GOLGA1: variants seen among roughly 807,000 people sequenced by gnomAD.
The protein encoded by GOLGA1 is golgin A1.
GOLGA1 carries 63 observed loss-of-function variants against 119.7 expected under a neutral mutation model. The ratio of observed to expected loss-of-function variants is 0.53; its 90% CI spans 0.43 to 0.65. The LOEUF is 0.65. Among genes scored for constraint, GOLGA1 ranks in the 30% least tolerant of loss-of-function variants. GOLGA1 has a pLI of 0.00. For missense variants in GOLGA1, 798 were observed against 912.8 expected (o/e 0.87, Z 1.62); for synonymous variants, 318 against 333.4 (o/e 0.95, Z 0.50).
At chr9:124,929,337 G>T (rs199884573) in intron 4 of GOLGA1, 47 bp from the exon 5 acceptor site, 2 of 1,144,084 alleles carry the variant, frequency 1.7e-6, no homozygotes, top group Non-Finnish European at 1.3e-6. Flanking sequence ...ACAAACATCA[G>T]GAAAGGAAGT....
Position 124,879,044 on chromosome 9 carries a change from A to AGAT in GOLGA1, c.*1483_*1485dup, listed in dbSNP as rs1829512234. On this transcript the variant is annotated 3_prime_UTR_variant, in exon 23 of 23. Coordinates refer to ENST00000373555, the MANE Select transcript of GOLGA1 (RefSeq NM_002077.4). ...CAGAGAGCCTGAGCTGGGACTAAGG[A>AGAT]GATGCTGCCCTGACTTGGTTCTTCA... The AGAT allele has an allele frequency of 6.6e-6, 1 of 152,224 alleles. No homozygotes were observed. Among genetic ancestry groups the AGAT allele is most frequent in the Non-Finnish European group, 1.5e-5 (1 of 68,040 alleles). The allele number at this position is 152,224 out of a possible 1,614,324, so 9.4% of individuals were successfully genotyped here. A position where few individuals can be genotyped will look rare whatever the true frequency, so the allele number is the denominator to read the frequency against.
chr9:124,888,399 A>G lies in GOLGA1; in HGVS notation c.1762-3T>C. 1 of 1,613,720 alleles carries G rather than the reference A, an allele frequency of 6.2e-7. No homozygotes were observed. ...TCCTGCATGGCCCTCGAGGTCACCTACAAGGTGGCAGCAGCAAATTGAGAG... is the reference window on the plus strand; with the variant it reads ...TCCTGCATGGCCCTCGAGGTCACCTGCAAGGTGGCAGCAGCAAATTGAGAG... On this transcript the variant is annotated splice_region_variant and splice_polypyrimidine_tract_variant and intron_variant, in intron 18 of 22. Coordinates refer to ENST00000373555, the MANE Select transcript of GOLGA1 (RefSeq NM_002077.4). The surrounding 1 kb of genome is among the most constrained non-coding windows in gnomAD (Gnocchi z 4.4).
upstream of GOLGA1, among the ~76,000 whole-genome samples, chr9:124,942,271 A>G (rs1019849981): frequency 1.3e-5 from 2 of 152,186 alleles, no homozygotes; most frequent in Non-Finnish European, 2.9e-5. Context: ...ACTCTATCTC[A>G]AACAAAAAGT....
At chr9:124,902,871 G>T (rs1254295343) in intron 12 of GOLGA1, among the ~76,000 whole-genome samples, 1 of 152,146 alleles carries the variant, frequency 6.6e-6, no homozygotes, top group African/African-American at 2.4e-5. Flanking sequence ...TGAGAAAGGG[G>T]CTACTAGTCC....
intron 12 of GOLGA1, 78 bp from the exon 13 acceptor site, chr9:124,900,625 G>C: frequency 1.5e-6 from 1 of 654,684 alleles, no homozygotes; most frequent in Non-Finnish European, 2.7e-6. Flanking sequence ...AATGCAAAGC[G>C]ATTTAAATAA....
intron 12 of GOLGA1, among the ~76,000 whole-genome samples, chr9:124,908,107 A>G (rs1830268547): frequency 6.6e-6 from 1 of 152,248 alleles, no homozygotes; most frequent in South Asian, 2.1e-4. Context: ...AAACAACCCA[A>G]CAAAAAGAGC....
chr9:124,888,789 T>C lies in GOLGA1; in HGVS notation c.1761+354A>G, dbSNP rs1280030284. On this transcript the variant is annotated intron_variant, in intron 18 of 22. Coordinates refer to ENST00000373555, the MANE Select transcript of GOLGA1 (RefSeq NM_002077.4). This position sits in a 1 kb window ranked among gnomAD's most constrained non-coding sequence, Gnocchi z 4.4. ...AATCTCGGCTCCACCAAGCTCCGCCTCCCGGGTTCACATCATTCTCCTGCC... is the reference window on the plus strand; with the variant it reads ...AATCTCGGCTCCACCAAGCTCCGCCCCCCGGGTTCACATCATTCTCCTGCC... 6.6e-6 allele frequency among the ~76,000 whole-genome samples: 1 copy of C among 152,120 alleles called. No individual in the cohort carries two copies. The highest frequency in any genetic ancestry group is 2.4e-5 in the African/African-American group (1 of 41,416).
At chr9:124,887,136 C>G (rs1395210184) in intron 19 of GOLGA1, among the ~76,000 whole-genome samples, 1 of 152,198 alleles carries the variant, frequency 6.6e-6, no homozygotes, top group African/African-American at 2.4e-5. Flanking sequence ...GTGACAGACA[C>G]AGACCCGACG....
At chr9:124,912,068 T>C in intron 10 of GOLGA1, 42 bp from the exon 11 acceptor site, 1 of 1,582,506 alleles carries the variant, frequency 6.3e-7, no homozygotes, top group East Asian at 2.3e-5. Context: ...AGAAGCCCTC[T>C]CTTCCTTCCT....
intron 1 of GOLGA1, chr9:124,947,068 G>A (rs1438339337): frequency 6.6e-6 from 1 of 152,004 alleles, no homozygotes; most frequent in Admixed American, 6.6e-5. Flanking sequence ...ATAAAACACT[G>A]ATGAAAAAAG....
chr9:124,923,744 C>G (rs1232586590), intron 7 of GOLGA1, among the ~76,000 whole-genome samples: 1 of 151,990 alleles, frequency 6.6e-6, no homozygotes, highest in Non-Finnish European at 1.5e-5. Context: ...CTGCCTCAGC[C>G]TCTCAAAGTG....
chr9:124,928,323 C>T (rs1360066190), intron 5 of GOLGA1, 38 bp from the exon 6 acceptor site: 3 of 1,079,616 alleles, frequency 2.8e-6, no homozygotes, highest in Non-Finnish European at 4.3e-6. Flanking sequence ...TATGAAAACA[C>T]TTCAGAAACA....
chr9:124,906,208 C>A (rs768744446), intron 12 of GOLGA1, among the ~76,000 whole-genome samples: 1 of 151,730 alleles, frequency 6.6e-6, no homozygotes, highest in Non-Finnish European at 1.5e-5. Context: ...CCAAGGCAGG[C>A]GGATCACCTA....
chr9:124,910,556 T>C (rs916694011), intron 11 of GOLGA1, among the ~76,000 whole-genome samples: 2 of 152,112 alleles, frequency 1.3e-5, no homozygotes, highest in Non-Finnish European at 2.9e-5. Flanking sequence ...CAATTCTGAG[T>C]TTAATAGTAT....
Position 124,878,673 on chromosome 9 carries a change from C to T in GOLGA1, c.*1857G>A, listed in dbSNP as rs565039053. The T allele has an allele frequency of 6.6e-6, 1 of 152,162 alleles. No homozygotes were observed. The highest frequency in any genetic ancestry group is 1.5e-5 in the Non-Finnish European group (1 of 68,040). The allele number at this position is 152,162 out of a possible 1,614,324, so 9.4% of individuals were successfully genotyped here. A position where few individuals can be genotyped will look rare whatever the true frequency, so the allele number is the denominator to read the frequency against. ...AGTACAGACCTAGGAACGGGCCCCA[C>T]AGCTACACCTGAAACTGCCGAGGAG... is the stretch of plus-strand genomic sequence containing the variant. On this transcript the variant is annotated 3_prime_UTR_variant, in exon 23 of 23. Coordinates refer to ENST00000373555, the MANE Select transcript of GOLGA1 (RefSeq NM_002077.4).
At chr9:124,913,736 GAGAC>G (rs1329922360) in intron 10 of GOLGA1, among the ~76,000 whole-genome samples, 1 of 152,186 alleles carries the variant, frequency 6.6e-6, no homozygotes, top group Non-Finnish European at 1.5e-5. Flanking sequence ...GCTGGTGGTG[GAGAC>G]AGACACACAC....
upstream of GOLGA1, chr9:124,943,694 A>G (rs182976057): frequency 6.6e-6 from 1 of 152,350 alleles, no homozygotes; most frequent in East Asian, 1.9e-4. Context: ...CAGAATGTAG[A>G]CAATAAGTTC....
intron 5 of GOLGA1, 127 bp from the exon 6 acceptor site, chr9:124,928,412 G>T: frequency 2.0e-6 from 1 of 507,642 alleles, no homozygotes; most frequent in Non-Finnish European, 3.5e-6. Flanking sequence ...TGTGATACTA[G>T]GAAAAGCTGG....
At chr9:124,910,753 G>A (rs1028732016) in intron 11 of GOLGA1, among the ~76,000 whole-genome samples, 7 of 152,274 alleles carry the variant, frequency 4.6e-5, no homozygotes, top group Admixed American at 4.6e-4. Flanking sequence ...CAGTGGTGGT[G>A]TTAGATTTTC....
Sources: gnomAD v4.1 joint callset for allele counts (sites outside exome capture counted in the v4.1 genomes callset) on GRCh38, gnomAD v4.1.1 for gene constraint, Gnocchi (gnomAD v3.1) non-coding constraint, MANE v1.5 for transcripts, NCBI Gene and HGNC (gene_info 2026-07-23, HGNC 2026-07-21) for gene names.